Variants in SPPL3 observed in about 807,000 individuals in gnomAD.
The protein encoded by SPPL3 is signal peptide peptidase like 3, also known as signal peptide peptidase-like 3.
SPPL3 carries 5 observed loss-of-function variants against 42.4 expected under a neutral mutation model. The ratio of observed to expected loss-of-function variants is 0.12; its 90% CI spans 0.06 to 0.25. The LOEUF (loss-of-function observed/expected upper bound fraction) is 0.25. Among genes scored for constraint, SPPL3 ranks in the 10% least tolerant of loss-of-function variants. SPPL3 has a pLI of 1.00. For synonymous variants in SPPL3, 195 were observed against 181.8 expected (o/e 1.07, Z -0.58); for missense variants, 235 against 489.0 (o/e 0.48, Z 4.90).
At chr12:120,775,436 G>A (rs1295672321) in intron 6 of SPPL3, among the ~76,000 whole-genome samples, 2 of 152,222 alleles carry the variant, frequency 1.3e-5, no homozygotes, top group Admixed American at 1.3e-4. Context: ...ACAGGTGTGA[G>A]CCACCGTGCC....
rs1332309752 is a variant in SPPL3, at chr12:120,802,368, TACATATATATGTATATATATAC to T, written c.101+8419_101+8440del. ...GTATGTATGTATGTGTGTATATATA[TACATATATATGTATATATATAC>T]ACATATATGTGTGTGTGTGTGTGTG... On this transcript the variant is annotated intron_variant, in intron 2 of 10. Coordinates refer to ENST00000353487, the MANE Select transcript of SPPL3 (RefSeq NM_139015.5). 5.8e-3 allele frequency among the ~76,000 whole-genome samples: 840 copies of T among 145,340 alleles called. 10 individuals are homozygous for T. The highest frequency in any genetic ancestry group is 0.02 in the African/African-American group (779 of 38,102).
At chr12:120,817,902 A>G (rs539038107) in intron 1 of SPPL3, among the ~76,000 whole-genome samples, 1 of 152,332 alleles carries the variant, frequency 6.6e-6, no homozygotes, top group East Asian at 1.9e-4. Flanking sequence ...AAATAGACAC[A>G]GATTTTACTA....
rs1250639502 is a variant in SPPL3 at position 120,764,873 on chromosome 12, C to G, written c.*126G>C. The G allele has an allele frequency of 1.7e-5, 17 of 987,422 alleles. No individual in the cohort carries two copies. The South Asian group carries it at 2.6e-4, about 15-fold the overall frequency. 61.2% of individuals were successfully genotyped at this position (987,422 alleles called of 1,614,324 possible). A position where few individuals can be genotyped will look rare whatever the true frequency, so the allele number is the denominator to read the frequency against. On this transcript the variant is annotated 3_prime_UTR_variant, in exon 11 of 11. Coordinates refer to ENST00000353487, the MANE Select transcript of SPPL3 (RefSeq NM_139015.5). ...ACGAGCTCCCTTTAAATGCCAAATC[C>G]AGTCACACGGCAGTTCCTTAAACAC...
chr12:120,872,814 C>T (rs1188258516), intron 1 of SPPL3, among the ~76,000 whole-genome samples: 1 of 152,062 alleles, frequency 6.6e-6, no homozygotes, highest in East Asian at 1.9e-4. Context: ...GATTAAAGGC[C>T]GCTATTACTA....
intron 1 of SPPL3, chr12:120,845,530 T>C: frequency 4.4e-6 from 2 of 456,178 alleles, no homozygotes; most frequent in Non-Finnish European, 8.4e-6. Context: ...GTGGTCACCA[T>C]CTCCCCCAGC....
At chr12:120,899,927 G>A (rs1873923534) in intron 1 of SPPL3, among the ~76,000 whole-genome samples, 1 of 150,976 alleles carries the variant, frequency 6.6e-6, no homozygotes, top group Non-Finnish European at 1.5e-5. Context: ...TTTCATATGG[G>A]GTGGTCAGAA....
intron 1 of SPPL3, among the ~76,000 whole-genome samples, chr12:120,830,811 T>C (rs1408539510): frequency 6.6e-6 from 1 of 152,088 alleles, no homozygotes; most frequent in Non-Finnish European, 1.5e-5. Context: ...AGCCCAGCCA[T>C]CACTTAGTTC....
chr12:120,867,184 A>T (rs1353218721), intron 1 of SPPL3, among the ~76,000 whole-genome samples: 1 of 152,350 alleles, frequency 6.6e-6, no homozygotes, highest in Non-Finnish European at 1.5e-5. Context: ...AAATAATTAC[A>T]TATCTAAATG....
chr12:120,903,132 T>C (rs1191080441), intron 1 of SPPL3, among the ~76,000 whole-genome samples: 2 of 152,164 alleles, frequency 1.3e-5, no homozygotes, highest in Admixed American at 6.5e-5. Context: ...CTGAAAATAA[T>C]AGTACCAACC....
chr12:120,854,081 A>C (rs1872370041), intron 1 of SPPL3, among the ~76,000 whole-genome samples: 1 of 151,980 alleles, frequency 6.6e-6, no homozygotes, highest in Admixed American at 6.6e-5. Context: ...TCAGTTCCCC[A>C]AACAGGATAA....
At chr12:120,784,748 G>A (rs566820116) in intron 3 of SPPL3, among the ~76,000 whole-genome samples, 155 bp from the exon 4 acceptor site, 2 of 152,116 alleles carry the variant, frequency 1.3e-5, no homozygotes, top group South Asian at 4.2e-4. Context: ...CTTTCCCAAC[G>A]AGATTATGAG....
chr12:120,863,919 C>A (rs1448343732), intron 1 of SPPL3, among the ~76,000 whole-genome samples: 1 of 151,610 alleles, frequency 6.6e-6, no homozygotes, highest in Non-Finnish European at 1.5e-5. Context: ...CTCCAGCAAT[C>A]CTCCCACCTT....
At position 120,903,912 on chromosome 12, in the gene SPPL3, G is replaced by T; in HGVS notation, c.-45C>A. The T allele has an allele frequency of 7.5e-7, 1 of 1,324,628 alleles. No individual in the cohort carries two copies. The highest frequency in any genetic ancestry group is 9.6e-7 in the Non-Finnish European group (1 of 1,038,662). 82.1% of individuals were successfully genotyped at this position (1,324,628 alleles called of 1,614,324 possible). A position where few individuals can be genotyped will look rare whatever the true frequency, so the allele number is the denominator to read the frequency against. On this transcript the variant is annotated 5_prime_UTR_variant, in exon 1 of 11. Coordinates refer to ENST00000353487, the MANE Select transcript of SPPL3 (RefSeq NM_139015.5). Reference sequence around the variant, plus strand: ...TCCGCTGCAGGCTGTGGCCGGGCCCGGCGGCGGCGGGCTCGCTCGGGCCGT... The same window carrying T: ...TCCGCTGCAGGCTGTGGCCGGGCCCTGCGGCGGCGGGCTCGCTCGGGCCGT...
intron 3 of SPPL3, among the ~76,000 whole-genome samples, chr12:120,790,844 C>T (rs10744754): frequency 0.2 from 29,434 of 144,288 alleles, 4,511 homozygotes; most frequent in African/African-American, 0.42. Flanking sequence ...TTTTTTGAGA[C>T]GGAGTTTCGC....
chr12:120,877,942 A>T (rs1160008157), intron 1 of SPPL3, among the ~76,000 whole-genome samples: 1 of 152,022 alleles, frequency 6.6e-6, no homozygotes, highest in Non-Finnish European at 1.5e-5. Flanking sequence ...GAATCGCTTG[A>T]ATCTGGGAGG....
chr12:120,775,239 C>T (rs1869274123), intron 6 of SPPL3, among the ~76,000 whole-genome samples: 1 of 152,192 alleles, frequency 6.6e-6, no homozygotes, highest in African/African-American at 2.4e-5. Flanking sequence ...CAACCCCTGC[C>T]TTCCAGGTTC....
At chr12:120,839,594 A>G (rs2137024583) in intron 1 of SPPL3, among the ~76,000 whole-genome samples, 1 of 152,352 alleles carries the variant, frequency 6.6e-6, no homozygotes, top group African/African-American at 2.4e-5. Flanking sequence ...AACCAAAGGT[A>G]GGAAATAGCA....
At chr12:120,852,758 ATCTATG>A (rs1450044117) in intron 1 of SPPL3, among the ~76,000 whole-genome samples, 5,235 of 26,168 alleles carry the variant, frequency 0.2, 711 homozygotes, top group East Asian at 0.31. Context: ...CATATATTAT[ATCTATG>A]TATATTATAT....
intron 1 of SPPL3, among the ~76,000 whole-genome samples, chr12:120,891,326 G>C (rs1182621542): frequency 6.6e-6 from 1 of 152,116 alleles, no homozygotes; most frequent in Non-Finnish European, 1.5e-5. Context: ...TCTGGTTTAT[G>C]CCTATTCCAG....
Sources: allele counts gnomAD v4.1 joint callset (sites outside exome capture counted in the v4.1 genomes callset), GRCh38; gene constraint gnomAD v4.1.1; transcripts MANE v1.5; gene names NCBI Gene and HGNC (gene_info 2026-07-23, HGNC 2026-07-21).